Variants in CNTN3 observed in about 807,000 individuals in gnomAD.
The protein encoded by CNTN3 is contactin 3.
A neutral mutation model predicts 119.1 loss-of-function variants in CNTN3; 60 were observed. The observed-to-expected ratio is 0.50, with a 90% CI of 0.41 to 0.62. The LOEUF (loss-of-function observed/expected upper bound fraction) is 0.62, where lower values mean the gene tolerates loss of function less well. Among genes scored for constraint, CNTN3 ranks in the 20% least tolerant of loss-of-function variants. The pLI, the probability that CNTN3 is intolerant of heterozygous loss-of-function variation, is 0.00. For missense variants in CNTN3, 1,101 were observed against 1,242.4 expected (o/e 0.89, Z 1.71); for synonymous variants, 450 against 438.7 (o/e 1.03, Z -0.32).
intron 4 of CNTN3, among the ~76,000 whole-genome samples, chr3:74,463,772 C>T (rs957356327): frequency 1.3e-5 from 2 of 152,114 alleles, no homozygotes; most frequent in African/African-American, 4.8e-5. Flanking sequence ...AAACCCTTCA[C>T]TTCCTCTCTA....
At chr3:74,560,638 TA>T (rs886865306) in intron 1 of CNTN3, among the ~76,000 whole-genome samples, 29 of 152,096 alleles carry the variant, frequency 1.9e-4, no homozygotes, top group Admixed American at 1.9e-3. Context: ...GATCTAGAAC[TA>T]GAAATACCAT....
At chr3:74,450,263 A>C (rs755803957) in intron 4 of CNTN3, among the ~76,000 whole-genome samples, 14 of 152,080 alleles carry the variant, frequency 9.2e-5, no homozygotes, top group Non-Finnish European at 1.8e-4. Flanking sequence ...TTAATCTTGC[A>C]GTTATAAAAC....
intron 1 of CNTN3, among the ~76,000 whole-genome samples, chr3:74,596,074 C>T (rs1304641685): frequency 1.3e-5 from 2 of 152,134 alleles, no homozygotes; most frequent in Non-Finnish European, 2.9e-5. Context: ...CATGAGTGAA[C>T]TCCCATTCAC....
intron 5 of CNTN3, among the ~76,000 whole-genome samples, chr3:74,416,558 C>T (rs1701525797): frequency 1.3e-5 from 2 of 152,040 alleles, no homozygotes; most frequent in Admixed American, 6.6e-5. Context: ...CAGGGTGGTG[C>T]TTAAAAAGGT....
intron 4 of CNTN3, among the ~76,000 whole-genome samples, chr3:74,445,819 T>C (rs1413935861): frequency 6.6e-6 from 1 of 152,094 alleles, no homozygotes; most frequent in African/African-American, 2.4e-5. Flanking sequence ...AGAAAACAGA[T>C]GGGAAGGTTT....
At chr3:74,434,134 C>G (rs148701853) in intron 4 of CNTN3, among the ~76,000 whole-genome samples, 1 of 152,274 alleles carries the variant, frequency 6.6e-6, no homozygotes, top group East Asian at 1.9e-4. Flanking sequence ...ATTAGAACAT[C>G]AGGATATTCT....
chr3:74,582,869 C>T (rs2106671138), intron 1 of CNTN3, among the ~76,000 whole-genome samples: 1 of 151,376 alleles, frequency 6.6e-6, no homozygotes, highest in East Asian at 2.0e-4. Flanking sequence ...GAAAAGAAAA[C>T]ATATCCACCA....
intron 13 of CNTN3, among the ~76,000 whole-genome samples, chr3:74,313,634 A>G (rs1559697607): frequency 6.6e-6 from 1 of 152,176 alleles, no homozygotes; most frequent in Non-Finnish European, 1.5e-5. Context: ...TGAAGACCCA[A>G]TTTCCAAATG....
chr3:74,400,200 A>C (rs1052796081), intron 5 of CNTN3, among the ~76,000 whole-genome samples: 4 of 152,184 alleles, frequency 2.6e-5, no homozygotes, highest in African/African-American at 9.6e-5. Flanking sequence ...AAAAATCTCC[A>C]AATTAACATA....
chr3:74,609,676 G>C (rs1204776610), intron 1 of CNTN3, among the ~76,000 whole-genome samples: 1 of 152,152 alleles, frequency 6.6e-6, no homozygotes, highest in African/African-American at 2.4e-5. Context: ...GCAGACTTCT[G>C]CTGAATACGG....
intron 11 of CNTN3, among the ~76,000 whole-genome samples, chr3:74,337,279 T>C (rs1226267867): frequency 6.6e-6 from 1 of 152,098 alleles, no homozygotes; most frequent in Non-Finnish European, 1.5e-5. Flanking sequence ...TCTGACTAAT[T>C]AATTAAGGAA....
intron 5 of CNTN3, among the ~76,000 whole-genome samples, chr3:74,380,906 C>T (rs182941234): frequency 1.1e-4 from 16 of 152,068 alleles, no homozygotes; most frequent in South Asian, 6.2e-4. Context: ...TCTTGCATTA[C>T]GGGTGATTTT....
At chr3:74,302,900 GA>G in intron 13 of CNTN3, 93 bp from the exon 14 acceptor site, 1 of 747,626 alleles carries the variant, frequency 1.3e-6, no homozygotes. Flanking sequence ...ACATTGCAAT[GA>G]AAACTATATT....
At chr3:74,484,324 C>T (rs891762313) in intron 4 of CNTN3, among the ~76,000 whole-genome samples, 2 of 152,102 alleles carry the variant, frequency 1.3e-5, no homozygotes, top group East Asian at 3.9e-4. Context: ...TCATAAATAG[C>T]ATTTCAGAAA....
Position 74,521,039 on chromosome 3 carries a change from A to T in CNTN3, c.55+19T>A. On this transcript the variant is annotated intron_variant, in intron 2 of 22. Transcript: ENST00000263665. ...TATACTTCTAACCTCAACTTAGAAA[A>T]TATAGGATTTTTTTTTACCTCCTAA... The T allele has an allele frequency of 1.9e-6, 3 of 1,544,494 alleles. No individual in the cohort carries two copies. The highest frequency in any genetic ancestry group is 2.7e-6 in the Non-Finnish European group (3 of 1,129,278).
intron 5 of CNTN3, among the ~76,000 whole-genome samples, chr3:74,373,435 G>C (rs376389729): frequency 1.3e-5 from 2 of 152,248 alleles, no homozygotes; most frequent in South Asian, 4.1e-4. Context: ...CTTTTACCCA[G>C]CCAGATATCT....
chr3:74,383,904 C>T (rs1355750873), intron 5 of CNTN3, among the ~76,000 whole-genome samples: 1 of 152,166 alleles, frequency 6.6e-6, no homozygotes, highest in African/African-American at 2.4e-5. Context: ...TTCACTGAGG[C>T]AGATAGAGTT....
chr3:74,483,778 C>T (rs1359935920), intron 4 of CNTN3, among the ~76,000 whole-genome samples: 1 of 152,004 alleles, frequency 6.6e-6, no homozygotes, highest in Non-Finnish European at 1.5e-5. Context: ...TTCTTCCAGC[C>T]TCCATGAAAC....
At chr3:74,324,216 C>CTT (rs5850169) in intron 13 of CNTN3, among the ~76,000 whole-genome samples, 40 of 110,222 alleles carry the variant, frequency 3.6e-4, no homozygotes, top group Middle Eastern at 5.1e-3. Flanking sequence ...TCTTCTTCTT[C>CTT]TTTTTTTTTT....
Sources: gnomAD v4.1 joint callset for allele counts (sites outside exome capture counted in the v4.1 genomes callset) on GRCh38, gnomAD v4.1.1 for gene constraint, MANE v1.5 for transcripts, NCBI Gene and HGNC (gene_info 2026-07-23, HGNC 2026-07-21) for gene names.